Variants in EPB41L4A observed in about 807,000 individuals in gnomAD.
EPB41L4A encodes the protein erythrocyte membrane protein band 4.1 like 4A.
In EPB41L4A, 100 loss-of-function variants were observed where a neutral mutation model predicts 108.6. The ratio of observed to expected loss-of-function variants is 0.92; its 90% CI spans 0.78 to 1.09. The LOEUF is 1.09. Ranked by LOEUF, EPB41L4A falls within the 50% of genes least tolerant of loss-of-function variation. The pLI is 0.00. For synonymous variants in EPB41L4A, 319 were observed against 289.0 expected (o/e 1.10, Z -1.05); for missense variants, 1,030 against 842.7 (o/e 1.22, Z -2.75).
intron 1 of EPB41L4A, among the ~76,000 whole-genome samples, chr5:112,390,770 G>A (rs543893943): frequency 2.3e-4 from 35 of 152,314 alleles, no homozygotes; most frequent in African/African-American, 8.2e-4. Flanking sequence ...CCCCCATGTA[G>A]CCTAACTGGG....
intron 9 of EPB41L4A, among the ~76,000 whole-genome samples, chr5:112,252,278 T>TG (rs1308188687): frequency 1.3e-5 from 2 of 152,116 alleles, no homozygotes; most frequent in Admixed American, 6.6e-5. Context: ...TGTGTATATA[T>TG]GAAAGCATTA....
At chr5:112,256,485 G>A (rs1051252045) in intron 9 of EPB41L4A, among the ~76,000 whole-genome samples, 2 of 151,712 alleles carry the variant, frequency 1.3e-5, no homozygotes, top group African/African-American at 4.8e-5. Flanking sequence ...ACAAGAATTC[G>A]GCAAAACGAC....
chr5:112,233,745 G>T (rs925476143), intron 12 of EPB41L4A, among the ~76,000 whole-genome samples: 1 of 152,018 alleles, frequency 6.6e-6, no homozygotes, highest in Non-Finnish European at 1.5e-5. Context: ...TTTTTTTCAA[G>T]ACTCTTGCTA....
intron 2 of EPB41L4A, among the ~76,000 whole-genome samples, chr5:112,297,471 A>G (rs958194030): frequency 4.6e-5 from 7 of 151,994 alleles, no homozygotes; most frequent in African/African-American, 1.7e-4. Context: ...TCCTTAGTCT[A>G]CTTTTTGATG....
chr5:112,327,701 G>A (rs937279585), intron 1 of EPB41L4A, among the ~76,000 whole-genome samples: 1 of 152,136 alleles, frequency 6.6e-6, no homozygotes. Context: ...TTGGGTGACA[G>A]AGTGAGATCC....
chr5:112,313,232 C>A (rs1439822967), intron 1 of EPB41L4A, among the ~76,000 whole-genome samples: 1 of 152,176 alleles, frequency 6.6e-6, no homozygotes, highest in African/African-American at 2.4e-5. Context: ...GACTAAGAAA[C>A]TTCTAAAAAG....
intron 12 of EPB41L4A, among the ~76,000 whole-genome samples, chr5:112,214,312 G>A (rs957208478): frequency 2.6e-5 from 4 of 152,172 alleles, no homozygotes; most frequent in Non-Finnish European, 5.9e-5. Flanking sequence ...GGGAATTTCA[G>A]GCACTGTTCC....
intron 1 of EPB41L4A, among the ~76,000 whole-genome samples, chr5:112,393,271 A>G (rs950291374): frequency 6.6e-6 from 1 of 152,218 alleles, no homozygotes; most frequent in Non-Finnish European, 1.5e-5. Context: ...AGAGACACAA[A>G]AAAACCATCA....
Position 112,339,479 on chromosome 5 carries a change from T to G in EPB41L4A, c.100-31989A>C, listed in dbSNP as rs202005146. On this transcript the variant is annotated intron_variant, in intron 1 of 22. Transcript: ENST00000261486. Reference sequence around the variant, plus strand: ...AGCTATAGATATATATATATCTATATATATATATATATATATCTATATATA... The same window carrying G: ...AGCTATAGATATATATATATCTATAGATATATATATATATATCTATATATA... 2.0e-3 allele frequency among the ~76,000 whole-genome samples: 58 copies of G among 28,314 alleles called. 1 individual carries two copies. In the East Asian group the frequency reaches 0.031, roughly 15 times the overall value. 18.6% of individuals were successfully genotyped at this position (28,314 alleles called of 152,430 possible).
intron 1 of EPB41L4A, among the ~76,000 whole-genome samples, chr5:112,390,864 AGCAATATTTGCTGTTCT>A (rs965744639): frequency 1.4e-4 from 22 of 152,346 alleles, no homozygotes; most frequent in Admixed American, 3.9e-4. Flanking sequence ...AAGATCAAGC[AGCAATATTTGCTGTTCT>A]GCAATATTTG....
At chr5:112,228,971 C>T (rs1000796970) in intron 12 of EPB41L4A, among the ~76,000 whole-genome samples, 3 of 152,170 alleles carry the variant, frequency 2.0e-5, no homozygotes, top group African/African-American at 7.2e-5. Context: ...TTTTTAGCTG[C>T]CAGGGCATTT....
Position 112,234,697 on chromosome 5 carries a change from G to GTC in EPB41L4A, c.1023_1024insGA (p.Gln342AspfsTer4). 1.2e-6 allele frequency: 2 copies of GTC among 1,613,654 alleles called. No individual in the cohort carries two copies. Among genetic ancestry groups the GTC allele is most frequent in the Non-Finnish European group, 1.7e-6 (2 of 1,179,694 alleles). On this transcript the variant is annotated frameshift_variant, in exon 12 of 23. Transcript: ENST00000261486. LOFTEE classifies it high-confidence loss of function. ...TTGCTTCGACTTCTTGTCACATTCT[G>GTC]ATCAGGCCGGGGAAGCTGAATAGAA...
At chr5:112,419,347 G>A (rs1293469389), upstream of EPB41L4A, 1 of 329,094 alleles carries the variant, frequency 3.0e-6, no homozygotes, top group Non-Finnish European at 5.6e-6. Flanking sequence ...GGGGGCGCGG[G>A]GCCCCTCCCG....
chr5:112,235,695 C>T (rs1008299549), intron 11 of EPB41L4A, among the ~76,000 whole-genome samples: 1 of 152,134 alleles, frequency 6.6e-6, no homozygotes, highest in African/African-American at 2.4e-5. Context: ...GGAAGTTTCT[C>T]CTCCTTACTA....
chr5:112,295,346 G>C (rs368448924), intron 2 of EPB41L4A, among the ~76,000 whole-genome samples: 2 of 152,260 alleles, frequency 1.3e-5, no homozygotes, highest in East Asian at 3.9e-4. Flanking sequence ...CAGGCACCTC[G>C]GGGATGCTAT....
rs1004994184 is a variant in EPB41L4A, at chr5:112,162,809, T to A, written c.*2181A>T. 2 of 152,224 alleles carry A rather than the reference T, an allele frequency of 1.3e-5. No homozygotes were observed. The highest frequency in any genetic ancestry group is 2.9e-5 in the Non-Finnish European group (2 of 68,030). The allele number at this position is 152,224 out of a possible 1,614,324, so 9.4% of individuals were successfully genotyped here. The stretch of plus-strand genomic sequence containing the variant: ...GGGAAACCTGAGAAAGAGTTGAGAC[T>A]AAAGGTATGTGTCATATTTTTCACA... On this transcript the variant is annotated 3_prime_UTR_variant, in exon 23 of 23. Transcript: ENST00000261486.
At chr5:112,152,160 A>C (rs560572967) in intron 12 of EPB41L4A, among the ~76,000 whole-genome samples, 3 of 152,300 alleles carry the variant, frequency 2.0e-5, no homozygotes, top group South Asian at 2.1e-4. Flanking sequence ...ATTTTTAACA[A>C]ATCCAATACA....
At chr5:112,145,325 T>C (rs529542395) in intron 13 of EPB41L4A, among the ~76,000 whole-genome samples, 6 of 152,320 alleles carry the variant, frequency 3.9e-5, no homozygotes, top group South Asian at 4.1e-4. Context: ...GGAGATTTTA[T>C]GTAAAATCTC....
chr5:112,409,924 T>C (rs1762313986), intron 1 of EPB41L4A, among the ~76,000 whole-genome samples: 1 of 152,204 alleles, frequency 6.6e-6, no homozygotes, highest in Non-Finnish European at 1.5e-5. Context: ...GATTTGTCTA[T>C]GACAAAAGCC....
Sources: allele counts gnomAD v4.1 joint callset (sites outside exome capture counted in the v4.1 genomes callset), GRCh38; gene constraint gnomAD v4.1.1; transcripts MANE v1.5; gene names NCBI Gene and HGNC (gene_info 2026-07-23, HGNC 2026-07-21).